RGS3: variants seen among roughly 807,000 people sequenced by gnomAD.
The protein encoded by RGS3 is regulator of G-protein signalling 3.
Under a neutral mutation model 132.6 loss-of-function variants are expected in RGS3, and 80 were observed. That is an observed-to-expected ratio of 0.60 (90% CI 0.50 to 0.73). RGS3 has a LOEUF of 0.73. Among genes scored for constraint, RGS3 ranks in the 30% least tolerant of loss-of-function variants. The pLI, the probability that RGS3 is intolerant of heterozygous loss-of-function variation, is 0.00. For missense variants in RGS3, 1,382 were observed against 1,530.8 expected, an observed-to-expected ratio of 0.90 and a Z score of 1.62; for synonymous variants, 598 against 620.6, an observed-to-expected ratio of 0.96 and a Z score of 0.54.
At chr9:113,575,210 T>C (rs1324038847) in intron 19 of RGS3, among the ~76,000 whole-genome samples, 2 of 152,300 alleles carry the variant, frequency 1.3e-5, no homozygotes, top group African/African-American at 4.8e-5. Flanking sequence ...GGTCAGGCGA[T>C]AGCCAAGAGT....
chr9:113,472,837 G>A (rs538250184), intron 3 of RGS3, among the ~76,000 whole-genome samples: 10 of 152,050 alleles, frequency 6.6e-5, no homozygotes, highest in Non-Finnish European at 1.3e-4. Flanking sequence ...TCAGGAGTTC[G>A]AGAGCAGCCT....
chr9:113,575,536 A>G (rs1355468825), intron 19 of RGS3, among the ~76,000 whole-genome samples: 2 of 152,096 alleles, frequency 1.3e-5, no homozygotes, highest in Non-Finnish European at 2.9e-5. Flanking sequence ...CTCCAAGGTC[A>G]TGCCTCTTCT....
upstream of RGS3, among the ~76,000 whole-genome samples, chr9:113,456,946 T>G (rs953194309): frequency 6.6e-6 from 1 of 152,162 alleles, no homozygotes; most frequent in African/African-American, 2.4e-5. Context: ...ATTACAGGCA[T>G]GCGCCACCAC....
intron 18 of RGS3, among the ~76,000 whole-genome samples, chr9:113,530,674 C>G (rs1242046813): frequency 6.6e-6 from 1 of 152,192 alleles, no homozygotes; most frequent in Admixed American, 6.5e-5. Flanking sequence ...GACTTCTGCT[C>G]CATTAGTTTC....
chr9:113,516,689 T>C (rs947823734), intron 15 of RGS3, among the ~76,000 whole-genome samples: 1 of 151,982 alleles, frequency 6.6e-6, no homozygotes, highest in Non-Finnish European at 1.5e-5. Context: ...ATTTTAATAT[T>C]TGTATAAGAA....
chr9:113,590,386 C>A, intron 20 of RGS3, among the ~76,000 whole-genome samples: 1 of 129,912 alleles, frequency 7.7e-6, no homozygotes, highest in Non-Finnish European at 1.6e-5. Flanking sequence ...TTCACCCATG[C>A]ATTCATCTAC....
chr9:113,514,224 T>C (rs997085467), intron 14 of RGS3, among the ~76,000 whole-genome samples: 1 of 152,238 alleles, frequency 6.6e-6, no homozygotes, highest in Non-Finnish European at 1.5e-5. Flanking sequence ...GTGCTAGCCC[T>C]GGACTTGCTT....
At chr9:113,450,902 G>A (rs961301574) in intron 1 of RGS3, among the ~76,000 whole-genome samples, 3 of 152,038 alleles carry the variant, frequency 2.0e-5, no homozygotes, top group African/African-American at 4.8e-5. Flanking sequence ...TCCCCAGGCC[G>A]GGCACAGTGG....
chr9:113,514,407 CT>C (rs1564512854), intron 14 of RGS3, 50 bp from the exon 13 acceptor site: 1 of 1,537,122 alleles, frequency 6.5e-7, no homozygotes. Context: ...GAGGGGACAC[CT>C]TTGCAGGAGT....
intron 19 of RGS3, among the ~76,000 whole-genome samples, chr9:113,574,702 G>C (rs1834432331): frequency 6.6e-6 from 1 of 152,208 alleles, no homozygotes; most frequent in Admixed American, 6.5e-5. Context: ...GGGATGGGCA[G>C]GAAGTAGACT....
chr9:113,539,748 T>A (rs1832826351), intron 19 of RGS3, among the ~76,000 whole-genome samples: 1 of 152,234 alleles, frequency 6.6e-6, no homozygotes, highest in Non-Finnish European at 1.5e-5. Context: ...ATGTGGGGGA[T>A]TCTTTAAATG....
upstream of RGS3, among the ~76,000 whole-genome samples, chr9:113,458,785 T>G (rs941812001): frequency 6.6e-6 from 1 of 152,212 alleles, no homozygotes; most frequent in Admixed American, 6.5e-5. Context: ...AGAGTCTTGC[T>G]CTGTTGTCCA....
chr9:113,445,927 C>T (rs939390853), intron 1 of RGS3, among the ~76,000 whole-genome samples: 7 of 152,156 alleles, frequency 4.6e-5, no homozygotes, highest in African/African-American at 1.7e-4. Context: ...AATCCGCCCA[C>T]CTTGAGCTCC....
intron 3 of RGS3, among the ~76,000 whole-genome samples, chr9:113,476,934 G>A (rs1830010148): frequency 6.6e-6 from 1 of 152,170 alleles, no homozygotes; most frequent in Non-Finnish European, 1.5e-5. Context: ...GCTTTGCACA[G>A]GTAGTAGTTT....
At chr9:113,549,437 CTTTG>C (rs754381387) in intron 19 of RGS3, among the ~76,000 whole-genome samples, 36 of 151,868 alleles carry the variant, frequency 2.4e-4, no homozygotes, top group African/African-American at 8.0e-4. Flanking sequence ...TGTTTTTTTT[CTTTG>C]TTTGTTTGTT....
chr9:113,520,535 C>T (rs1456528521), intron 16 of RGS3, among the ~76,000 whole-genome samples: 1 of 150,762 alleles, frequency 6.6e-6, no homozygotes, highest in East Asian at 1.9e-4. Context: ...CTCTCTGGGC[C>T]TGGGCTGTTT....
At chr9:113,559,127 G>A (rs949485051) in intron 19 of RGS3, among the ~76,000 whole-genome samples, 2 of 152,276 alleles carry the variant, frequency 1.3e-5, no homozygotes, top group Non-Finnish European at 2.9e-5. Flanking sequence ...CCAGGGGAGT[G>A]TGTGGAGAAC....
chr9:113,497,642 T>C (rs1306473270), intron 9 of RGS3, among the ~76,000 whole-genome samples: 2 of 152,104 alleles, frequency 1.3e-5, no homozygotes, highest in East Asian at 3.9e-4. Context: ...TCTGACCCCA[T>C]GTGGTTTAGC....
intron 16 of RGS3, among the ~76,000 whole-genome samples, chr9:113,520,175 T>C (rs564780133): frequency 2.0e-4 from 31 of 152,178 alleles, no homozygotes; most frequent in Non-Finnish European, 4.3e-4. Flanking sequence ...GGGAAGACAC[T>C]GGGTGACCCC....
Sources: allele counts gnomAD v4.1 joint callset (sites outside exome capture counted in the v4.1 genomes callset), GRCh38; gene constraint gnomAD v4.1.1; transcripts MANE v1.5; gene names NCBI Gene and HGNC (gene_info 2026-07-23, HGNC 2026-07-21).